The following MYOM2 variants were observed in gnomAD, a reference collection of about 807,000 sequenced individuals.
MYOM2 encodes the protein myomesin 2.
In MYOM2, 254 loss-of-function variants were observed where a neutral mutation model predicts 187.6. The ratio of observed to expected loss-of-function variants is 1.35; its 90% CI spans 1.22 to 1.50. The LOEUF (loss-of-function observed/expected upper bound fraction) is 1.50. Ranked by LOEUF, MYOM2 falls within the 40% of genes most tolerant of loss-of-function variation. The pLI, the probability that MYOM2 is intolerant of heterozygous loss-of-function variation, is 0.00. For synonymous variants in MYOM2, 981 were observed against 753.8 expected, an observed-to-expected ratio of 1.30 and a Z score of -4.94; for missense variants, 2,796 against 1,924.0, an observed-to-expected ratio of 1.45 and a Z score of -8.48.
At position 2,116,954 on chromosome 8, in the gene MYOM2, G is replaced by A. The variant is rs910604860; in HGVS notation, c.3385+679G>A. 1.8e-4 allele frequency among the ~76,000 whole-genome samples: 25 copies of A among 140,452 alleles called. No homozygotes were observed. In the East Asian group the frequency reaches 5.3e-3, roughly 30 times the overall value. 92.1% of individuals were successfully genotyped at this position (140,452 alleles called of 152,430 possible). ...TTCTGTATTTTTAGTAGAGACGGAC[G>A]GGGTTTCACCGTGTTAACCAGGATG... On this transcript the variant is annotated intron_variant, in intron 27 of 36. Coordinates refer to ENST00000262113, the MANE Select transcript of MYOM2 (RefSeq NM_003970.4).
chr8:2,078,418 A>G (rs930793963), intron 11 of MYOM2, among the ~76,000 whole-genome samples: 2 of 152,238 alleles, frequency 1.3e-5, no homozygotes, highest in African/African-American at 2.4e-5. Context: ...GGATGCGTCT[A>G]AAATAATTTT....
chr8:2,121,501 G>C (rs1797456991), intron 28 of MYOM2, among the ~76,000 whole-genome samples: 1 of 152,156 alleles, frequency 6.6e-6, no homozygotes, highest in South Asian at 2.1e-4. Context: ...TATTACTTGA[G>C]GTTTGAGGGT....
intron 32 of MYOM2, among the ~76,000 whole-genome samples, chr8:2,134,849 T>C (rs557034997): frequency 6.6e-6 from 1 of 152,226 alleles, no homozygotes; most frequent in East Asian, 1.9e-4. Context: ...ATCTCATATC[T>C]TCTGCCCCAT....
At chr8:2,144,600 G>A (rs556079861) in intron 36 of MYOM2, 64 bp from the exon 37 acceptor site, 45 of 1,540,290 alleles carry the variant, frequency 2.9e-5, no homozygotes, top group South Asian at 1.1e-4. Flanking sequence ...CCCACCGTCC[G>A]AGGGGGTGAC....
intron 32 of MYOM2, among the ~76,000 whole-genome samples, chr8:2,137,564 TTGTGTG>T (rs35420025): frequency 2.7e-5 from 4 of 150,098 alleles, no homozygotes; most frequent in Non-Finnish European, 5.9e-5. Flanking sequence ...CTGTGCCTGG[TTGTGTG>T]TGTGTGTGTG....
At chr8:2,067,714 G>C (rs1024709789) in intron 6 of MYOM2, among the ~76,000 whole-genome samples, 2 of 151,428 alleles carry the variant, frequency 1.3e-5, no homozygotes, top group Non-Finnish European at 2.9e-5. Flanking sequence ...ACAGGTACTT[G>C]GGTTTTGTGA....
At position 2,137,827 on chromosome 8, in the gene MYOM2, A is replaced by C. The variant is rs967556290; in HGVS notation, c.3801-2896A>C. ...CTGTAAAGTGTCCAGTTGTAAGTGC[A>C]TCCAGGGGGATAAAGAAGTCTTTCT... On this transcript the variant is annotated intron_variant, in intron 32 of 36. Transcript: ENST00000262113. Among the ~76,000 whole-genome samples, 31 of 152,162 alleles carry C rather than the reference A, an allele frequency of 2.0e-4. 2 individuals are homozygous for C. Among genetic ancestry groups the C allele is most frequent in the Admixed American group, 1.9e-3 (29 of 15,262 alleles).
intron 15 of MYOM2, 21 bp downstream of exon 15, chr8:2,090,212 GC>G: frequency 6.2e-7 from 1 of 1,604,858 alleles, no homozygotes; most frequent in Non-Finnish European, 8.5e-7. Context: ...ACACTGGGTG[GC>G]CCCAAGTCAG....
chr8:2,114,080 C>T (rs954341157), intron 25 of MYOM2, among the ~76,000 whole-genome samples: 1 of 152,186 alleles, frequency 6.6e-6, no homozygotes, highest in African/African-American at 2.4e-5. Context: ...CCGGGGGCAT[C>T]AGGGAAGTCT....
chr8:2,088,956 C>T (rs1020158), intron 14 of MYOM2, among the ~76,000 whole-genome samples: 1 of 152,090 alleles, frequency 6.6e-6, no homozygotes, highest in African/African-American at 2.4e-5. Flanking sequence ...CTGGACTGCG[C>T]TCGCTTGGGG....
At chr8:2,114,786 T>A (rs575509851) in intron 25 of MYOM2, among the ~76,000 whole-genome samples, 1 of 152,044 alleles carries the variant, frequency 6.6e-6, no homozygotes, top group South Asian at 2.1e-4. Flanking sequence ...AATTTCTTTT[T>A]TCTTTTTATT....
chr8:2,101,026 A>T lies in MYOM2; in HGVS notation c.2591A>T (p.Gln864Leu), dbSNP rs377099851. ...EDAGEWITVN[Q>L]TTTASRYLKV... is the part of the protein sequence containing the mutation. Reference sequence around the variant, plus strand: ...GCTGGAGAGTGGATCACTGTCAATCAGACGACAACAGCCAGCCGTTATTTA... The same window carrying T: ...GCTGGAGAGTGGATCACTGTCAATCTGACGACAACAGCCAGCCGTTATTTA... The change falls in exon 20 of 37, where the codon CAG becomes CTG. Residue 864 changes from glutamine to leucine, a missense_variant. Gln to Leu is a moderately radical substitution (Grantham distance 113). Transcript: ENST00000262113. 6.2e-7 allele frequency: 1 copy of T among 1,614,050 alleles called. No homozygotes were observed. Among genetic ancestry groups the T allele is most frequent in the Non-Finnish European group, 8.5e-7 (1 of 1,180,042 alleles).
At chr8:2,111,451 T>C (rs573673505) in intron 25 of MYOM2, among the ~76,000 whole-genome samples, 32 of 152,362 alleles carry the variant, frequency 2.1e-4, no homozygotes, top group Non-Finnish European at 4.0e-4. Flanking sequence ...GTGAGAATCA[T>C]ACCTTTTTCT....
At chr8:2,048,841 A>C (rs973798030) in intron 1 of MYOM2, among the ~76,000 whole-genome samples, 2 of 150,234 alleles carry the variant, frequency 1.3e-5, no homozygotes, top group Admixed American at 1.3e-4. Context: ...CCAGGCTGGA[A>C]TGCAGTGGCG....
intron 25 of MYOM2, among the ~76,000 whole-genome samples, chr8:2,113,804 G>A (rs1160983080): frequency 6.6e-6 from 1 of 152,230 alleles, no homozygotes; most frequent in Non-Finnish European, 1.5e-5. Context: ...CAGATGGCAG[G>A]GTGAGCTAAG....
In MYOM2 at chr8:2,109,540, C is replaced by T; in HGVS notation, c.3180+9C>T. The stretch of plus-strand genomic sequence containing the variant: ...AAGTCTCTGACAGCGAGGTGAGTTC[C>T]TGTGTGAGTGATCTCTGGCTTTGCA... On this transcript the variant is annotated intron_variant, in intron 25 of 36. Coordinates refer to ENST00000262113, the MANE Select transcript of MYOM2 (RefSeq NM_003970.4). 6.2e-7 allele frequency: 1 copy of T among 1,604,060 alleles called. No individual in the cohort carries two copies. Among genetic ancestry groups the T allele is most frequent in the South Asian group, 1.1e-5 (1 of 89,270 alleles).
intron 31 of MYOM2, among the ~76,000 whole-genome samples, chr8:2,124,578 C>T (rs991487097): frequency 6.6e-6 from 1 of 152,186 alleles, no homozygotes; most frequent in Admixed American, 6.5e-5. Flanking sequence ...CACTTTGCGT[C>T]GTACACATTA....
intron 6 of MYOM2, among the ~76,000 whole-genome samples, chr8:2,062,423 T>C (rs2129331147): frequency 6.6e-6 from 1 of 152,170 alleles, no homozygotes; most frequent in South Asian, 2.1e-4. Context: ...AAGAAGTGGG[T>C]GCTCTGGGCA....
chr8:2,060,135 C>T (rs1818804351), intron 6 of MYOM2, among the ~76,000 whole-genome samples: 1 of 152,198 alleles, frequency 6.6e-6, no homozygotes, highest in Non-Finnish European at 1.5e-5. Context: ...AAGACCCTGA[C>T]ATTACACAAG....
Sources: allele counts gnomAD v4.1 joint callset (sites outside exome capture counted in the v4.1 genomes callset), GRCh38; gene constraint gnomAD v4.1.1; transcripts MANE v1.5; gene names NCBI Gene and HGNC (gene_info 2026-07-23, HGNC 2026-07-21).